Variants in RGS6 observed in about 807,000 individuals in gnomAD.
RGS6 encodes regulator of G-protein signaling 6.
A neutral mutation model predicts 78.5 loss-of-function variants in RGS6; 30 were observed. That is an observed-to-expected ratio of 0.38 (90% confidence interval 0.29 to 0.52). The LOEUF is 0.52. RGS6 is among the 20% of genes least tolerant of loss of function. The probability of loss-of-function intolerance (pLI) is 0.85; values close to 1 mark genes in which losing one functional copy is unlikely to be tolerated. For missense variants in RGS6, 495 were observed against 609.7 expected, an observed-to-expected ratio of 0.81 and a Z score of 1.98; for synonymous variants, 206 against 206.0, an observed-to-expected ratio of 1.00 and a Z score of 0.00.
chr14:72,480,733 C>G (rs890638082), intron 12 of RGS6, among the ~76,000 whole-genome samples: 2 of 152,122 alleles, frequency 1.3e-5, no homozygotes, highest in Non-Finnish European at 2.9e-5. Flanking sequence ...GCCAGAGATG[C>G]AGGCTGAGCT....
At chr14:71,939,919 T>C (rs2090228426) in intron 1 of RGS6, among the ~76,000 whole-genome samples, 1 of 152,240 alleles carries the variant, frequency 6.6e-6, no homozygotes, top group Admixed American at 6.5e-5. Context: ...ATGGCTTCCA[T>C]TTGGGCTTTC....
At chr14:72,412,660 A>T (rs1285346988) in intron 3 of RGS6, among the ~76,000 whole-genome samples, 1 of 152,060 alleles carries the variant, frequency 6.6e-6, no homozygotes, top group Non-Finnish European at 1.5e-5. Flanking sequence ...TTGTGATGTT[A>T]GGGTGTCAAT....
At chr14:71,896,013 T>C in the RGS6 span, among the ~76,000 whole-genome samples, 1 of 151,780 alleles carries the variant, frequency 6.6e-6, no homozygotes, top group Non-Finnish European at 1.5e-5. Context: ...AGCCCAGGGG[T>C]GCAGTCCGTG....
At chr14:72,489,815 T>C (rs1192659895) in intron 12 of RGS6, among the ~76,000 whole-genome samples, 1 of 152,232 alleles carries the variant, frequency 6.6e-6, no homozygotes, top group African/African-American at 2.4e-5. Context: ...CACCTTGATA[T>C]CAGACTTCTA....
At chr14:72,550,189 A>C (rs980397586) in intron 17 of RGS6, among the ~76,000 whole-genome samples, 2 of 152,206 alleles carry the variant, frequency 1.3e-5, no homozygotes, top group African/African-American at 2.4e-5. Context: ...CGATCCCGGT[A>C]AAGTCAGCAA....
rs144286046 is a variant in RGS6, at chr14:72,425,642, T to C, written c.185-28886T>C. Among the ~76,000 whole-genome samples, 438 of 152,320 alleles carry C rather than the reference T, an allele frequency of 2.9e-3. 1 individual carries two copies. The highest frequency in any genetic ancestry group is 9.8e-3 in the African/African-American group (406 of 41,568). ...GGGGTATCATTTTTTCCCAATCAGATTGGCAAAAATAAACAAGAATACAAA... is the reference window on the plus strand; with the variant it reads ...GGGGTATCATTTTTTCCCAATCAGACTGGCAAAAATAAACAAGAATACAAA... On this transcript the variant is annotated intron_variant, in intron 3 of 17. Transcript: ENST00000553525.
At chr14:71,959,985 AGCCCTTCCTTTTCCTATACCATCGAG>A (rs1778274855) in intron 1 of RGS6, among the ~76,000 whole-genome samples, 1 of 152,188 alleles carries the variant, frequency 6.6e-6, no homozygotes, top group African/African-American at 2.4e-5. Flanking sequence ...CTGACTTCAA[AGCCCTTCCTTTTCCTATACCATCGAG>A]GCCCTTCCTT....
At chr14:72,282,730 C>T (rs1275611845) in intron 2 of RGS6, among the ~76,000 whole-genome samples, 2 of 152,198 alleles carry the variant, frequency 1.3e-5, no homozygotes, top group Admixed American at 1.3e-4. Flanking sequence ...CTGTCACCTC[C>T]AGAAGTTTCC....
intron 7 of RGS6, among the ~76,000 whole-genome samples, chr14:72,466,771 T>A (rs1008034569): frequency 6.6e-6 from 1 of 152,202 alleles, no homozygotes; most frequent in African/African-American, 2.4e-5. Context: ...ATCCTGATCG[T>A]GGTGGTGGTT....
At chr14:72,299,371 G>A (rs2065573492) in intron 2 of RGS6, among the ~76,000 whole-genome samples, 1 of 152,146 alleles carries the variant, frequency 6.6e-6, no homozygotes, top group South Asian at 2.1e-4. Context: ...AATATAATAA[G>A]TGGTCTTTTG....
chr14:72,291,921 G>A (rs1017650047), intron 2 of RGS6, among the ~76,000 whole-genome samples: 1 of 152,062 alleles, frequency 6.6e-6, no homozygotes, highest in African/African-American at 2.4e-5. Context: ...AGGCCTCAAA[G>A]TGCATCCCAT....
At position 72,198,270 on chromosome 14, in the gene RGS6, T is replaced by C. The variant is rs181774093; in HGVS notation, c.85-153825T>C. 2.1e-3 allele frequency among the ~76,000 whole-genome samples: 327 copies of C among 152,304 alleles called. 3 individuals are homozygous for C. Among genetic ancestry groups the C allele is most frequent in the African/African-American group, 7.3e-3 (303 of 41,566 alleles). On this transcript the variant is annotated intron_variant, in intron 2 of 17. Coordinates refer to ENST00000553525, the MANE Select transcript of RGS6 (RefSeq NM_001204424.2). ...CAGGAGGCTGAAGTGGGAGGCTCAC[T>C]TGAGCCTCAGAAGTCCAGGCTTCAG...
At chr14:71,918,758 G>A in the RGS6 span, among the ~76,000 whole-genome samples, 3 of 152,152 alleles carry the variant, frequency 2.0e-5, no homozygotes, top group African/African-American at 4.8e-5. Flanking sequence ...ACAATCTATC[G>A]TCCTGAAGTT....
chr14:71,999,056 C>T (rs1247858484), intron 2 of RGS6, among the ~76,000 whole-genome samples: 2 of 91,930 alleles, frequency 2.2e-5, no homozygotes, highest in Admixed American at 1.1e-4. Context: ...GAGTGTGAGA[C>T]CCTATCTCTA....
the RGS6 span, among the ~76,000 whole-genome samples, chr14:71,926,799 C>T: frequency 6.6e-6 from 1 of 152,016 alleles, no homozygotes; most frequent in Non-Finnish European, 1.5e-5. Context: ...TTTTGGGTTA[C>T]CTGTGGTCAT....
chr14:72,001,090 T>C (rs1355297909), intron 2 of RGS6, among the ~76,000 whole-genome samples: 1 of 152,214 alleles, frequency 6.6e-6, no homozygotes, highest in African/African-American at 2.4e-5. Flanking sequence ...GACTCCACTT[T>C]TGGCCCTGTC....
the RGS6 span, among the ~76,000 whole-genome samples, chr14:71,875,611 A>AT: frequency 1.3e-5 from 2 of 152,060 alleles, no homozygotes; most frequent in East Asian, 1.9e-4. Context: ...GGATTCATTG[A>AT]TTTTTTGAAG....
rs570941791 is a variant in RGS6 at position 72,454,699 on chromosome 14, C to G, written c.235+121C>G. 4.4e-6 allele frequency: 3 copies of G among 681,708 alleles called. No individual in the cohort carries two copies. The South Asian group carries it at 5.8e-5, about 13-fold the overall frequency. 42.2% of individuals were successfully genotyped at this position (681,708 alleles called of 1,614,324 possible). ...GGTCTTGTAAATGTGAATTCCAAGACGTGGAATCACTCTATTTACAAATAA... is the reference window on the plus strand; with the variant it reads ...GGTCTTGTAAATGTGAATTCCAAGAGGTGGAATCACTCTATTTACAAATAA... On this transcript the variant is annotated intron_variant, in intron 4 of 17. Coordinates refer to ENST00000553525, the MANE Select transcript of RGS6 (RefSeq NM_001204424.2).
intron 2 of RGS6, among the ~76,000 whole-genome samples, chr14:71,972,959 G>A (rs537198815): frequency 6.6e-6 from 1 of 152,282 alleles, no homozygotes; most frequent in South Asian, 2.1e-4. Flanking sequence ...TGGATTGCCT[G>A]CCCCTCTCTT....
Sources: allele counts gnomAD v4.1 joint callset (sites outside exome capture counted in the v4.1 genomes callset), GRCh38; gene constraint gnomAD v4.1.1; transcripts MANE v1.5; gene names NCBI Gene and HGNC (gene_info 2026-07-23, HGNC 2026-07-21).